EML5: variants seen among roughly 807,000 people sequenced by gnomAD.
The protein encoded by EML5 is EMAP like 5.
A neutral mutation model predicts 250.0 loss-of-function variants in EML5; 120 were observed. The ratio of observed to expected loss-of-function variants is 0.48; its 90% CI spans 0.41 to 0.56. The LOEUF (loss-of-function observed/expected upper bound fraction) is 0.56, where lower values mean the gene tolerates loss of function less well. EML5 is among the 20% of genes least tolerant of loss of function. EML5 has a pLI of 0.00. For synonymous variants in EML5, 771 were observed against 806.5 expected (o/e 0.96, Z 0.75); for missense variants, 2,006 against 2,437.6 (o/e 0.82, Z 3.73).
rs1303099040 is a variant in EML5 at position 88,614,306 on chromosome 14, G to A, written c.*1512C>T. On this transcript the variant is annotated 3_prime_UTR_variant, in exon 44 of 44. Transcript: ENST00000554922. ...GCTTAATTTAGGAGAATCCACTGATGAACAAGTACCAACTTACGTTTCAAG... is the reference window on the plus strand; with the variant it reads ...GCTTAATTTAGGAGAATCCACTGATAAACAAGTACCAACTTACGTTTCAAG... 3 of 152,188 alleles carry A rather than the reference G, an allele frequency of 2.0e-5. No homozygotes were observed. The highest frequency in any genetic ancestry group is 3.2e-3 in the Middle Eastern group (1 of 316). 9.4% of individuals were successfully genotyped at this position (152,188 alleles called of 1,614,324 possible). A position where few individuals can be genotyped will look rare whatever the true frequency, so the allele number is the denominator to read the frequency against.
intron 8 of EML5, among the ~76,000 whole-genome samples, chr14:88,718,039 T>C (rs577551218): frequency 6.6e-6 from 1 of 152,272 alleles, no homozygotes; most frequent in South Asian, 2.1e-4. Context: ...TGCTGATGGA[T>C]TACAGATGGT....
At chr14:88,770,484 G>A (rs1297728771) in intron 1 of EML5, among the ~76,000 whole-genome samples, 1 of 151,968 alleles carries the variant, frequency 6.6e-6, no homozygotes, top group Non-Finnish European at 1.5e-5. Context: ...TCAGTACAGA[G>A]AAAAAATGCT....
intron 1 of EML5, among the ~76,000 whole-genome samples, chr14:88,760,223 C>T (rs2094218997): frequency 6.6e-6 from 1 of 152,074 alleles, no homozygotes; most frequent in Non-Finnish European, 1.5e-5. Context: ...CATGCTTTTG[C>T]TTAACCAAAG....
In EML5 at chr14:88,702,481, T is replaced by C. The variant is rs758735964; in HGVS notation, c.2203A>G (p.Ile735Val). 8.7e-6 allele frequency: 14 copies of C among 1,613,158 alleles called. No individual in the cohort carries two copies. The East Asian group carries it at 2.7e-4, about 31-fold the overall frequency. The part of the protein sequence containing the change: ...GHDDDILCLT[I>V]HPLKDYVATG... ...GCCACGTAGTCTTTCAAAGGATGAA[T>C]AGTTAGGCAGAGAATATCATCATCA... The change falls in exon 14 of 44, where the codon ATT becomes GTT. Residue 735 changes from isoleucine (I) to valine (V), a missense_variant. Around this residue, in one of 7 missense-constraint regions of EML5, gnomAD observed 1,375 missense variants for 1,590.3 expected, o/e 0.86. Transcript: ENST00000554922.
intron 17 of EML5, among the ~76,000 whole-genome samples, chr14:88,693,763 CTTTTTTTTTTTTT>C (rs71127002): frequency 3.2e-5 from 2 of 62,846 alleles, no homozygotes; most frequent in African/African-American, 1.5e-4. Context: ...ATGTTAACAT[CTTTTTTTTTTTTT>C]TTTTTTTTTT....
chr14:88,702,955 A>G (rs1379945285), intron 13 of EML5, among the ~76,000 whole-genome samples: 1 of 152,062 alleles, frequency 6.6e-6, no homozygotes, highest in Non-Finnish European at 1.5e-5. Flanking sequence ...GGGTTTTGCC[A>G]TGTTGCCCAG....
At chr14:88,688,847 G>A (rs1204228786) in intron 17 of EML5, among the ~76,000 whole-genome samples, 1 of 152,222 alleles carries the variant, frequency 6.6e-6, no homozygotes, top group African/African-American at 2.4e-5. Context: ...TAACTGAAAT[G>A]TCATGCCAAC....
At chr14:88,783,742 T>C (rs1195070552) in intron 1 of EML5, among the ~76,000 whole-genome samples, 2 of 152,196 alleles carry the variant, frequency 1.3e-5, no homozygotes, top group East Asian at 1.9e-4. Flanking sequence ...TTTGCAGCAC[T>C]GGACAGATAT....
intron 21 of EML5, among the ~76,000 whole-genome samples, chr14:88,680,096 T>C (rs2092685429): frequency 6.6e-6 from 1 of 152,214 alleles, no homozygotes; most frequent in African/African-American, 2.4e-5. Flanking sequence ...ATTAAAATAC[T>C]GCACAGCTAT....
At chr14:88,630,205 T>C (rs945232802) in intron 33 of EML5, among the ~76,000 whole-genome samples, 4 of 151,740 alleles carry the variant, frequency 2.6e-5, no homozygotes, top group Non-Finnish European at 5.9e-5. Context: ...TAATTCTGTA[T>C]TTTTAGTAGA....
At chr14:88,687,570 A>C (rs1009338773) in intron 18 of EML5, among the ~76,000 whole-genome samples, 2 of 152,164 alleles carry the variant, frequency 1.3e-5, no homozygotes, top group African/African-American at 4.8e-5. Context: ...CAGTTTCTAA[A>C]ATCTGTAACT....
intron 37 of EML5, chr14:88,621,922 C>A (rs4635267): frequency 2.2e-6 from 1 of 455,356 alleles, no homozygotes; most frequent in Non-Finnish European, 4.4e-6. Context: ...TACATAAATA[C>A]GTGATTCTTA....
At chr14:88,723,394 TAA>T (rs1254380344) in intron 8 of EML5, among the ~76,000 whole-genome samples, 4 of 152,270 alleles carry the variant, frequency 2.6e-5, no homozygotes, top group African/African-American at 9.6e-5. Context: ...ATGTGGAATC[TAA>T]AAAAGTCAAA....
chr14:88,688,534 C>T (rs2141251081), intron 17 of EML5, 61 bp from the exon 18 acceptor site: 2 of 1,550,656 alleles, frequency 1.3e-6, no homozygotes, highest in East Asian at 2.2e-5. Flanking sequence ...TATAAAGAAG[C>T]AAAGTTTCTT....
intron 8 of EML5, among the ~76,000 whole-genome samples, chr14:88,716,229 T>C (rs899569059): frequency 6.6e-6 from 1 of 152,168 alleles, no homozygotes; most frequent in African/African-American, 2.4e-5. Context: ...CTAACCAACA[T>C]AGTACTAGAA....
intron 2 of EML5, 35 bp downstream of exon 2, chr14:88,754,477 T>C: frequency 6.5e-7 from 1 of 1,547,510 alleles, no homozygotes; most frequent in Non-Finnish European, 8.7e-7. Context: ...TACCTTAACA[T>C]ACAATTTAGA....
intron 1 of EML5, among the ~76,000 whole-genome samples, chr14:88,783,400 C>T (rs1028108609): frequency 1.3e-5 from 2 of 152,176 alleles, no homozygotes; most frequent in Non-Finnish European, 2.9e-5. Context: ...TGGAACAGAT[C>T]AATGGAGCTT....
chr14:88,792,302 G>A lies in EML5; in HGVS notation c.197+5C>T, dbSNP rs189066667. On this transcript the variant is annotated splice_donor_5th_base_variant and intron_variant, in intron 1 of 43. Transcript: ENST00000554922. This position sits in a 1 kb window ranked among gnomAD's most constrained non-coding sequence, Gnocchi z 6.9. Reference sequence around the variant, plus strand: ...GTGACGGCGGCGGCCCCCGCTCCCCGGTACCTGATGATGTCGTCGCTGTGG... The same window carrying A: ...GTGACGGCGGCGGCCCCCGCTCCCCAGTACCTGATGATGTCGTCGCTGTGG... 1,066 of 1,550,310 alleles carry A rather than the reference G, an allele frequency of 6.9e-4. 1 individual carries two copies. The highest frequency in any genetic ancestry group is 8.7e-4 in the Non-Finnish European group (1,001 of 1,149,304).
chr14:88,665,254 C>G (rs1338860922), intron 22 of EML5, 83 bp downstream of exon 22: 15 of 1,400,006 alleles, frequency 1.1e-5, no homozygotes, highest in Middle Eastern at 3.8e-4. Flanking sequence ...GATAACATAA[C>G]AGTTAATAAA....
Sources: allele counts gnomAD v4.1 joint callset (sites outside exome capture counted in the v4.1 genomes callset), GRCh38; gene constraint gnomAD v4.1.1; regional missense constraint gnomAD v4.1.1; non-coding constraint Gnocchi (gnomAD v3.1); transcripts MANE v1.5; gene names NCBI Gene and HGNC (gene_info 2026-07-23, HGNC 2026-07-21).